The following IHO1 variants were observed in gnomAD, a reference collection of about 807,000 sequenced individuals.
The protein encoded by IHO1 is interactor of HORMAD1 1, also known as interactor of HORMAD1 protein 1.
Under a neutral mutation model 31.0 loss-of-function variants are expected in IHO1, and 13 were observed. The observed-to-expected ratio is 0.42, with a 90% CI of 0.27 to 0.67. The LOEUF is 0.67. Among genes scored for constraint, IHO1 ranks in the 30% least tolerant of loss-of-function variants. The probability of loss-of-function intolerance (pLI) is 0.24; values close to 1 mark genes in which losing one functional copy is unlikely to be tolerated. For missense variants in IHO1, 599 were observed against 687.5 expected (o/e 0.87, Z 1.44); for synonymous variants, 221 against 248.4 (o/e 0.89, Z 1.04).
chr3:49,245,104 G>A, intron 6 of IHO1: 1 of 469,564 alleles, frequency 2.1e-6, no homozygotes, highest in South Asian at 5.1e-5. Context: ...CCCCTTAGGA[G>A]TTAGAAATAC....
chr3:49,256,098 G>A lies in IHO1; in HGVS notation c.637-36G>A. 2 of 1,540,516 alleles carry A rather than the reference G, an allele frequency of 1.3e-6. No individual in the cohort carries two copies. Among genetic ancestry groups the A allele is most frequent in the East Asian group, 2.2e-5 (1 of 44,512 alleles). On this transcript the variant is annotated intron_variant, in intron 7 of 7. Transcript: ENST00000452691. The surrounding 1 kb of genome is among the most constrained non-coding windows in gnomAD (Gnocchi z 4.6). ...TTTATTGTGCTTTCTGACTTGCACT[G>A]TCCATCACTGTCTTTCTCACTGCCT...
At chr3:49,223,458 G>A (rs905928686) in intron 2 of IHO1, among the ~76,000 whole-genome samples, 16 of 152,112 alleles carry the variant, frequency 1.1e-4, no homozygotes, top group Non-Finnish European at 1.6e-4. Flanking sequence ...TTGGGAGACC[G>A]AGGCGGGCGG....
rs750691051 is a variant in IHO1 at position 49,256,616 on chromosome 3, C to T, written c.1119C>T (p.Ser373=). 150 of 1,614,122 alleles carry T rather than the reference C, an allele frequency of 9.3e-5. 1 individual carries two copies. The highest frequency in any genetic ancestry group is 5.8e-5 in the Non-Finnish European group (68 of 1,180,054). The stretch of plus-strand genomic sequence containing the variant: ...CAGGTGCCAAGAACCATGGTTCCAG[C>T]GTCCCAGGCCATAAGATTCCCAGTG... The part of the protein sequence containing the change: ...TKTGAKNHGS[S]VPGHKIPSDR... The change falls in exon 8 of 8, where the codon AGC becomes AGT. Residue 373 remains serine (S), a synonymous_variant. Coordinates refer to ENST00000452691, the MANE Select transcript of IHO1 (RefSeq NM_001135197.2). This position sits in a 1 kb window ranked among gnomAD's most constrained non-coding sequence, Gnocchi z 4.6.
chr3:49,191,911 T>C, the IHO1 span: 1 of 801,298 alleles, frequency 1.2e-6, no homozygotes, highest in Non-Finnish European at 2.1e-6. Flanking sequence ...TGCTGCTGTT[T>C]GTTGAGACAG....
chr3:49,198,414 C>G (rs1425711990), upstream of IHO1: 2 of 152,448 alleles, frequency 1.3e-5, no homozygotes, highest in Non-Finnish European at 2.9e-5. Context: ...CAGGCTTGCT[C>G]CAACTCCTTG....
intron 3 of IHO1, among the ~76,000 whole-genome samples, chr3:49,238,196 G>A (rs1313668317): frequency 1.3e-5 from 2 of 152,092 alleles, no homozygotes; most frequent in Middle Eastern, 3.4e-3. Context: ...GAGCCACCAT[G>A]CCCAGCCTGA....
Position 49,247,954 on chromosome 3 carries a change from G to A in IHO1, c.532+3221G>A, listed in dbSNP as rs182547592. ...AGTCTGTCCAACATGGTGAAAACCC[G>A]TCTCTACTAAAAATACATAAATTAG... On this transcript the variant is annotated intron_variant, in intron 6 of 7. Transcript: ENST00000452691. Among the ~76,000 whole-genome samples, 23 of 151,726 alleles carry A rather than the reference G, an allele frequency of 1.5e-4. No individual in the cohort carries two copies. The East Asian group carries it at 4.1e-3, about 27-fold the overall frequency.
Position 49,236,682 on chromosome 3 carries a change from AC to A in IHO1, c.192del (p.Leu65Ter). Reference protein sequence around the residue: ...TLSAPLDFGAHLRHSKQSQQN... With the variant: ...TLSAPLDFGAXLRHSKQSQQN... ...TCAGCACCCTTGGACTTTGGTGCCC[AC>A]TTGAGACATTCAAAACAGTCACAAC... On this transcript the variant is annotated frameshift_variant, in exon 3 of 8. Coordinates refer to ENST00000452691, the MANE Select transcript of IHO1 (RefSeq NM_001135197.2). LOFTEE classifies it high-confidence loss of function. The A allele has an allele frequency of 4.3e-6, 7 of 1,614,080 alleles. No individual in the cohort carries two copies. Among genetic ancestry groups the A allele is most frequent in the Non-Finnish European group, 5.9e-6 (7 of 1,180,006 alleles).
chr3:49,210,599 A>G (rs891713249), intron 1 of IHO1, among the ~76,000 whole-genome samples: 1 of 150,988 alleles, frequency 6.6e-6, no homozygotes, highest in African/African-American at 2.4e-5. Context: ...GGGTTTCTTC[A>G]TGTTGGCCAG....
At chr3:49,247,757 C>T (rs1559452029) in intron 6 of IHO1, among the ~76,000 whole-genome samples, 1 of 151,596 alleles carries the variant, frequency 6.6e-6, no homozygotes, top group Non-Finnish European at 1.5e-5. Context: ...CCACTGCACT[C>T]CAGCCTGGGA....
intron 1 of IHO1, among the ~76,000 whole-genome samples, chr3:49,200,242 A>T (rs2107674518): frequency 6.6e-6 from 1 of 152,214 alleles, no homozygotes; most frequent in African/African-American, 2.4e-5. Flanking sequence ...AGGCAGGCGG[A>T]TCTCCTGAGG....
At chr3:49,237,887 CTTTTTTTTT>C (rs574951773) in intron 3 of IHO1, among the ~76,000 whole-genome samples, 227 of 51,420 alleles carry the variant, frequency 4.4e-3, no homozygotes, top group African/African-American at 0.013. Flanking sequence ...CTGTCTTTTC[CTTTTTTTTT>C]TTTTTTTTTT....
At chr3:49,235,511 A>G (rs1380541977) in intron 2 of IHO1, among the ~76,000 whole-genome samples, 1 of 151,874 alleles carries the variant, frequency 6.6e-6, no homozygotes, top group Non-Finnish European at 1.5e-5. Context: ...TACAGGCGTG[A>G]GCCACCGCAC....
At chr3:49,243,037 A>G (rs1207907866) in intron 4 of IHO1, among the ~76,000 whole-genome samples, 1 of 151,048 alleles carries the variant, frequency 6.6e-6, no homozygotes, top group African/African-American at 2.4e-5. Flanking sequence ...TTTTTTTCTG[A>G]TCCTTTCCCT....
chr3:49,247,822 GA>G (rs552209581), intron 6 of IHO1, among the ~76,000 whole-genome samples: 78 of 139,154 alleles, frequency 5.6e-4, no homozygotes, highest in East Asian at 5.5e-3. Context: ...TAAATAAAAT[GA>G]AAAAAAAAAA....
chr3:49,191,418 C>A, the IHO1 span, among the ~76,000 whole-genome samples: 1 of 152,202 alleles, frequency 6.6e-6, no homozygotes, highest in African/African-American at 2.4e-5. Context: ...TCTTTGCCCT[C>A]AAAATGTTCC....
rs2046833307 is a variant in IHO1, at chr3:49,256,929, C to A, written c.1432C>A (p.Pro478Thr). ...TAAATTCAATTCCAAATATCAGAGT[C>A]CTCAGCCTGCAATTTCTGTCCCTCA... ...TCKFNSKYQS[P>T]QPAISVPQSP... Residue 478 changes from proline to threonine, a missense_variant, in exon 8 of 8, where the codon CCT becomes ACT. Physicochemically the swap from Pro to Thr is conservative, Grantham distance 38. Transcript: ENST00000452691. The surrounding 1 kb of genome is among the most constrained non-coding windows in gnomAD (Gnocchi z 4.6). The A allele has an allele frequency of 1.2e-6, 2 of 1,614,210 alleles. No homozygotes were observed. The highest frequency in any genetic ancestry group is 1.1e-5 in the South Asian group (1 of 91,084).
At chr3:49,200,626 CCTG>C in intron 1 of IHO1, 2 of 956,246 alleles carry the variant, frequency 2.1e-6, no homozygotes, top group Non-Finnish European at 2.5e-6. Context: ...GTGTACCCAC[CCTG>C]CCAGGGCCCT....
At chr3:49,226,509 C>T (rs576990491) in intron 2 of IHO1, among the ~76,000 whole-genome samples, 1 of 152,122 alleles carries the variant, frequency 6.6e-6, no homozygotes, top group Admixed American at 6.5e-5. Context: ...TCTCCTTAGT[C>T]CTTCTAGAAC....
Sources: allele counts gnomAD v4.1 joint callset (sites outside exome capture counted in the v4.1 genomes callset), GRCh38; gene constraint gnomAD v4.1.1; non-coding constraint Gnocchi (gnomAD v3.1); transcripts MANE v1.5; gene names NCBI Gene and HGNC (gene_info 2026-07-23, HGNC 2026-07-21).